Variants in SMYD3 observed in about 807,000 individuals in gnomAD.
SMYD3 encodes SET and MYND domain containing 3, also known as histone-lysine N-methyltransferase SMYD3.
Under a neutral mutation model 57.7 loss-of-function variants are expected in SMYD3, and 36 were observed. The ratio of observed to expected loss-of-function variants is 0.62; its 90% CI spans 0.48 to 0.82. The LOEUF (loss-of-function observed/expected upper bound fraction) is 0.82. Ranked by LOEUF, SMYD3 falls within the 40% of genes least tolerant of loss-of-function variation. The pLI, the probability that SMYD3 is intolerant of heterozygous loss-of-function variation, is 0.00. For synonymous variants in SMYD3, 211 were observed against 195.0 expected (o/e 1.08, Z -0.68); for missense variants, 515 against 538.8 (o/e 0.96, Z 0.44).
intron 5 of SMYD3, among the ~76,000 whole-genome samples, chr1:245,936,170 A>C (rs1370589372): frequency 6.6e-6 from 1 of 152,208 alleles, no homozygotes; most frequent in Non-Finnish European, 1.5e-5. Flanking sequence ...TTAAAATTTT[A>C]AATAATTTAA....
chr1:245,908,425 G>T (rs1389020864), intron 8 of SMYD3, among the ~76,000 whole-genome samples: 1 of 152,198 alleles, frequency 6.6e-6, no homozygotes, highest in Non-Finnish European at 1.5e-5. Flanking sequence ...GCAGTGGACA[G>T]ATCATCTAGA....
chr1:246,445,490 C>G (rs187327287), intron 1 of SMYD3, among the ~76,000 whole-genome samples: 2 of 152,198 alleles, frequency 1.3e-5, no homozygotes, highest in Non-Finnish European at 2.9e-5. Context: ...TACTATTGAC[C>G]CAAGGGATAA....
At chr1:246,161,193 A>G (rs1287642068) in intron 5 of SMYD3, among the ~76,000 whole-genome samples, 2 of 152,116 alleles carry the variant, frequency 1.3e-5, no homozygotes, top group Non-Finnish European at 2.9e-5. Context: ...GGCACAGCTC[A>G]CCTGCATGCC....
At chr1:246,439,369 A>G (rs1434457469) in intron 1 of SMYD3, among the ~76,000 whole-genome samples, 1 of 152,200 alleles carries the variant, frequency 6.6e-6, no homozygotes, top group African/African-American at 2.4e-5. Context: ...CTTTATGTAA[A>G]AGCCTAGAAG....
At position 246,187,045 on chromosome 1, in the gene SMYD3, T is replaced by C. The variant is rs192326338; in HGVS notation, c.531+140156A>G. The C allele has an allele frequency of 6.9e-4, 363 of 529,104 alleles. 2 individuals are homozygous for C. In the African/African-American group the frequency reaches 7.2e-3, roughly 10 times the overall value. 32.8% of individuals were successfully genotyped at this position (529,104 alleles called of 1,614,324 possible). On this transcript the variant is annotated intron_variant, in intron 5 of 11. Coordinates refer to ENST00000490107, the MANE Select transcript of SMYD3 (RefSeq NM_001167740.2). ...TGTGCTAGATAACGAGGTGATGTGC[T>C]GATGGAGCTCAACTCTGACCCCAGT...
intron 10 of SMYD3, among the ~76,000 whole-genome samples, chr1:245,848,865 G>A (rs2050804729): frequency 6.6e-6 from 1 of 152,206 alleles, no homozygotes; most frequent in African/African-American, 2.4e-5. Context: ...CAGCAGAGGA[G>A]AATGTAGAAG....
At chr1:245,818,192 G>A (rs556342563) in intron 10 of SMYD3, among the ~76,000 whole-genome samples, 45 of 152,266 alleles carry the variant, frequency 3.0e-4, no homozygotes, top group Middle Eastern at 3.4e-3. Flanking sequence ...GACTAACAGC[G>A]GATCTCTCAG....
chr1:246,504,539 T>C (rs2068506651), intron 1 of SMYD3, among the ~76,000 whole-genome samples: 1 of 152,258 alleles, frequency 6.6e-6, no homozygotes, highest in South Asian at 2.1e-4. Flanking sequence ...ATCTGGTCTT[T>C]CGCTGACCAA....
intron 10 of SMYD3, among the ~76,000 whole-genome samples, chr1:245,850,569 G>A (rs9662149): frequency 0.17 from 25,895 of 151,932 alleles, 3,123 homozygotes; most frequent in East Asian, 0.47. Flanking sequence ...CAGGGTGTGT[G>A]CCTGTGGTCC....
At chr1:245,889,226 T>C (rs2053248991) in intron 8 of SMYD3, among the ~76,000 whole-genome samples, 1 of 152,194 alleles carries the variant, frequency 6.6e-6, no homozygotes, top group Admixed American at 6.5e-5. Flanking sequence ...TGAGCCCGAT[T>C]AACAGATAAG....
chr1:246,036,794 G>A (rs2059783975), intron 5 of SMYD3, among the ~76,000 whole-genome samples: 1 of 146,968 alleles, frequency 6.8e-6, no homozygotes, highest in Non-Finnish European at 1.5e-5. Flanking sequence ...TCAATCTCCT[G>A]ACCTCGTGAT....
At chr1:246,439,180 C>A (rs55637336) in intron 1 of SMYD3, among the ~76,000 whole-genome samples, 6 of 150,944 alleles carry the variant, frequency 4.0e-5, no homozygotes, top group African/African-American at 7.3e-5. Flanking sequence ...CAGGCTGGCC[C>A]CAAACTCCTG....
chr1:245,764,188 C>A, intron 10 of SMYD3, 39 bp from the exon 11 acceptor site: 1 of 1,402,540 alleles, frequency 7.1e-7, no homozygotes, highest in South Asian at 1.2e-5. Flanking sequence ...CAGCAGCCCT[C>A]ACCTTTGCAG....
At chr1:245,902,952 C>T (rs2054289746) in intron 8 of SMYD3, among the ~76,000 whole-genome samples, 1 of 152,122 alleles carries the variant, frequency 6.6e-6, no homozygotes, top group Non-Finnish European at 1.5e-5. Context: ...GAAAACATGA[C>T]ACCTACAAAG....
chr1:246,149,156 T>C (rs1394039502), intron 5 of SMYD3, among the ~76,000 whole-genome samples: 1 of 152,200 alleles, frequency 6.6e-6, no homozygotes, highest in Non-Finnish European at 1.5e-5. Flanking sequence ...AAATACCTCT[T>C]TTTGCATTTC....
intron 5 of SMYD3, 67 bp downstream of exon 5, chr1:246,327,129 TTGTAA>T: frequency 6.3e-7 from 1 of 1,592,358 alleles, no homozygotes; most frequent in Non-Finnish European, 8.6e-7. Context: ...CTCGACATTT[TTGTAA>T]CTAACAACAA....
At chr1:246,472,419 T>G (rs997429698) in intron 1 of SMYD3, among the ~76,000 whole-genome samples, 1 of 152,202 alleles carries the variant, frequency 6.6e-6, no homozygotes, top group Non-Finnish European at 1.5e-5. Context: ...TTTTAAATTT[T>G]TAATCAAAGC....
chr1:246,259,479 A>G (rs1253846402), intron 5 of SMYD3, among the ~76,000 whole-genome samples: 1 of 151,008 alleles, frequency 6.6e-6, no homozygotes, highest in Non-Finnish European at 1.5e-5. Context: ...TTTGGGTAAG[A>G]TCTATTTGTT....
chr1:245,882,275 T>G (rs940786561), intron 8 of SMYD3, among the ~76,000 whole-genome samples: 1 of 152,138 alleles, frequency 6.6e-6, no homozygotes, highest in African/African-American at 2.4e-5. Flanking sequence ...GCACGCTGCT[T>G]GGGAAACACT....
Sources: gnomAD v4.1 joint callset for allele counts (sites outside exome capture counted in the v4.1 genomes callset) on GRCh38, gnomAD v4.1.1 for gene constraint, MANE v1.5 for transcripts, NCBI Gene and HGNC (gene_info 2026-07-23, HGNC 2026-07-21) for gene names.